The following GPSM2 variants were observed in gnomAD, a reference collection of about 807,000 sequenced individuals.
GPSM2 encodes G protein signaling modulator 2, also known as G protein-signaling modulator 2.
In GPSM2, 58 loss-of-function variants were observed where a neutral mutation model predicts 78.4. The ratio of observed to expected loss-of-function variants is 0.74; its 90% confidence interval spans 0.60 to 0.92. GPSM2 has a LOEUF of 0.92. Ranked by LOEUF, GPSM2 falls within the 40% of genes least tolerant of loss-of-function variation. GPSM2 has a pLI of 0.00. For missense variants in GPSM2, 700 were observed against 815.5 expected (o/e 0.86, Z 1.73); for synonymous variants, 224 against 280.2 (o/e 0.80, Z 2.00).
chr1:108,878,602 C>A (rs1037436208), intron 1 of GPSM2, among the ~76,000 whole-genome samples: 2 of 152,026 alleles, frequency 1.3e-5, no homozygotes, highest in African/African-American at 4.8e-5. Context: ...TAAAATATTT[C>A]TAAGATCTAT....
intron 2 of GPSM2, among the ~76,000 whole-genome samples, chr1:108,894,582 C>T (rs1648213911): frequency 6.6e-6 from 1 of 152,094 alleles, no homozygotes; most frequent in Non-Finnish European, 1.5e-5. Context: ...ACTGTAATCC[C>T]AGCTGCTCAG....
In GPSM2 at chr1:108,911,037, A is replaced by G. The variant is rs551978740; in HGVS notation, c.1193-3301A>G. Among the ~76,000 whole-genome samples the G allele has an allele frequency of 3.9e-5, 6 of 152,316 alleles. No homozygotes were observed. The South Asian group carries it at 1.2e-3, about 32-fold the overall frequency. On this transcript the variant is annotated intron_variant, in intron 10 of 14. Coordinates refer to ENST00000264126, the MANE Select transcript of GPSM2 (RefSeq NM_013296.5). Reference sequence around the variant, plus strand: ...ACTATTAAATGAAAATATTCCATTTATAAGACACAGTAGCAGATTGGAGAA... The same window carrying G: ...ACTATTAAATGAAAATATTCCATTTGTAAGACACAGTAGCAGATTGGAGAA...
chr1:108,931,608 A>G lies in GPSM2; in HGVS notation c.*1668A>G, dbSNP rs1651986227. On this transcript the variant is annotated 3_prime_UTR_variant, in exon 15 of 15. Coordinates refer to ENST00000264126, the MANE Select transcript of GPSM2 (RefSeq NM_013296.5). ...TTTTTAAGAGTCATAACCTGGAATT[A>G]ATTACATTAAGTGCTCAGCTAAAAA... The G allele has an allele frequency of 7.8e-7, 1 of 1,286,376 alleles. No homozygotes were observed. 79.7% of individuals were successfully genotyped at this position (1,286,376 alleles called of 1,614,324 possible). A position where few individuals can be genotyped will look rare whatever the true frequency, so the allele number is the denominator to read the frequency against.
intron 11 of GPSM2, among the ~76,000 whole-genome samples, chr1:108,917,777 A>C (rs1650387561): frequency 6.7e-6 from 1 of 149,646 alleles, no homozygotes; most frequent in South Asian, 2.1e-4. Context: ...GTGAGCCACC[A>C]TCCCTAGCTA....
intron 12 of GPSM2, among the ~76,000 whole-genome samples, chr1:108,922,022 A>G (rs1650749799): frequency 6.6e-6 from 1 of 151,304 alleles, no homozygotes; most frequent in African/African-American, 2.4e-5. Context: ...AAGACCTTAG[A>G]AATCACTATG....
In GPSM2 at chr1:108,930,169, G is replaced by T; in HGVS notation, c.*229G>T. On this transcript the variant is annotated 3_prime_UTR_variant, in exon 15 of 15. Coordinates refer to ENST00000264126, the MANE Select transcript of GPSM2 (RefSeq NM_013296.5). Reference sequence around the variant, plus strand: ...CTTCATCGTCTGTGATTACTGCTTGGGATGTGTTCTTTGGCAGCTTGTGAG... The same window carrying T: ...CTTCATCGTCTGTGATTACTGCTTGTGATGTGTTCTTTGGCAGCTTGTGAG... 2 of 493,818 alleles carry T rather than the reference G, an allele frequency of 4.1e-6. No homozygotes were observed. Among genetic ancestry groups the T allele is most frequent in the Non-Finnish European group, 7.2e-6 (2 of 279,686 alleles). The allele number at this position is 493,818 out of a possible 1,614,324, so 30.6% of individuals were successfully genotyped here. A position where few individuals can be genotyped will look rare whatever the true frequency, so the allele number is the denominator to read the frequency against.
At chr1:108,918,930 A>T (rs982308170) in intron 12 of GPSM2, 141 bp downstream of exon 12, 1 of 663,472 alleles carries the variant, frequency 1.5e-6, no homozygotes, top group Non-Finnish European at 2.7e-6. Flanking sequence ...TATCTTTTCT[A>T]TCTTCTTCAA....
In GPSM2 at chr1:108,898,667, T is replaced by C. The variant is rs764473182; in HGVS notation, c.583T>C (p.Leu195=). Residue 195 remains leucine (L), a synonymous_variant, in exon 6 of 15, where the codon TTG becomes CTG. Transcript: ENST00000264126. ...GGAAAACCTATCATTAGTGACTGCT[T>C]TGGGTGACCGAGCGGCACAAGGACG... is the stretch of plus-strand genomic sequence containing the variant. ...YEENLSLVTA[L]GDRAAQGRAF... 13 of 1,613,854 alleles carry C rather than the reference T, an allele frequency of 8.1e-6. No individual in the cohort carries two copies. Among genetic ancestry groups the C allele is most frequent in the African/African-American group, 4.0e-5 (3 of 74,930 alleles).
chr1:108,915,368 CAAAAA>C (rs778325980), intron 11 of GPSM2, among the ~76,000 whole-genome samples: 8 of 91,180 alleles, frequency 8.8e-5, no homozygotes, highest in African/African-American at 2.5e-4. Flanking sequence ...AGACTTGTCT[CAAAAA>C]AAAAAAAAAA....
At chr1:108,890,389 G>A (rs1335356622) in intron 2 of GPSM2, among the ~76,000 whole-genome samples, 1 of 152,186 alleles carries the variant, frequency 6.6e-6, no homozygotes, top group Non-Finnish European at 1.5e-5. Context: ...AAGTAGGAAT[G>A]GCTTGTACCT....
intron 2 of GPSM2, among the ~76,000 whole-genome samples, chr1:108,893,696 T>A (rs1372850466): frequency 6.6e-6 from 1 of 152,228 alleles, no homozygotes; most frequent in Non-Finnish European, 1.5e-5. Context: ...TTCATTGGTT[T>A]CAGTTTTTGA....
chr1:108,900,256 A>T (rs338487), intron 7 of GPSM2, among the ~76,000 whole-genome samples: 2,797 of 125,092 alleles, frequency 0.022, 100 homozygotes, highest in African/African-American at 0.077. Context: ...TTTTTTTTTT[A>T]AATACGGAGT....
At position 108,898,776 on chromosome 1, in the gene GPSM2, A is replaced by G. The variant is rs776936129; in HGVS notation, c.681+11A>G. The G allele has an allele frequency of 9.9e-6, 16 of 1,613,834 alleles. No homozygotes were observed. The highest frequency in any genetic ancestry group is 1.6e-4 in the Middle Eastern group (1 of 6,082). The stretch of plus-strand genomic sequence containing the variant: ...ATAGCTCATGAGCAGGTACAGTGGA[A>G]AGCCTTGGAGCCAGATCATTTCCTC... On this transcript the variant is annotated intron_variant, in intron 6 of 14. Transcript: ENST00000264126.
intron 2 of GPSM2, 115 bp from the exon 3 acceptor site, chr1:108,896,749 T>C (rs1385007536): frequency 4.9e-6 from 4 of 819,424 alleles, no homozygotes; most frequent in African/African-American, 3.4e-5. Context: ...ACTTCAGTTA[T>C]AGAGGCAGCT....
At chr1:108,912,815 T>C (rs1004098162) in intron 10 of GPSM2, among the ~76,000 whole-genome samples, 4 of 128,212 alleles carry the variant, frequency 3.1e-5, no homozygotes, top group African/African-American at 1.2e-4. Flanking sequence ...GGAGTTGAGG[T>C]GGGCAGATCA....
At chr1:108,879,861 T>C (rs1385747654) in intron 1 of GPSM2, among the ~76,000 whole-genome samples, 1 of 152,164 alleles carries the variant, frequency 6.6e-6, no homozygotes, top group Non-Finnish European at 1.5e-5. Context: ...CTGCCACATG[T>C]TCAGAGTCCC....
At chr1:108,906,797 G>A (rs1227899565) in intron 10 of GPSM2, among the ~76,000 whole-genome samples, 1 of 152,112 alleles carries the variant, frequency 6.6e-6, no homozygotes, top group East Asian at 1.9e-4. Flanking sequence ...AGAATCGCTT[G>A]AACCTGGGAG....
chr1:108,883,225 G>T (rs1167942252), intron 1 of GPSM2, among the ~76,000 whole-genome samples: 2 of 152,184 alleles, frequency 1.3e-5, no homozygotes, highest in Non-Finnish European at 2.9e-5. Flanking sequence ...TCCCAAGGCT[G>T]TTTCTTTCTA....
chr1:108,884,832 G>A (rs1197627910), intron 1 of GPSM2, among the ~76,000 whole-genome samples: 1 of 152,126 alleles, frequency 6.6e-6, no homozygotes, highest in African/African-American at 2.4e-5. Context: ...TATTTTGAAA[G>A]CAAATGAATC....
Sources: gnomAD v4.1 joint callset for allele counts (sites outside exome capture counted in the v4.1 genomes callset) on GRCh38, gnomAD v4.1.1 for gene constraint, MANE v1.5 for transcripts, NCBI Gene and HGNC (gene_info 2026-07-23, HGNC 2026-07-21) for gene names.